The following CCDC60 variants were observed in gnomAD, a reference collection of about 807,000 sequenced individuals.
CCDC60 encodes the protein coiled-coil domain containing 60, also known as coiled-coil domain-containing protein 60.
CCDC60 carries 54 observed loss-of-function variants against 63.5 expected under a neutral mutation model. The ratio of observed to expected loss-of-function variants is 0.85; its 90% CI spans 0.68 to 1.07. The LOEUF (loss-of-function observed/expected upper bound fraction) is 1.07, where lower values mean the gene tolerates loss of function less well. CCDC60 is among the 50% of genes least tolerant of loss of function. The pLI is 0.00. For missense variants in CCDC60, 651 were observed against 684.3 expected, an observed-to-expected ratio of 0.95 and a Z score of 0.54; for synonymous variants, 206 against 238.8, an observed-to-expected ratio of 0.86 and a Z score of 1.27.
At chr12:119,470,915 C>T (rs1240114558) in intron 2 of CCDC60, among the ~76,000 whole-genome samples, 1 of 152,198 alleles carries the variant, frequency 6.6e-6, no homozygotes, top group African/African-American at 2.4e-5. Flanking sequence ...ACAGTCAGTA[C>T]AATACCCAAC....
Position 119,472,143 on chromosome 12 carries a change from A to C in CCDC60, c.320A>C (p.His107Pro). ...CCAGCCGAAAAGATCTCAGAAATCC[A>C]CTATGGGGACACCTTATTGAGGTAA... ...FQPAEKISEI[H>P]YGDTLLSTYD... The change falls in exon 3 of 14, where the codon CAC becomes CCC. Residue 107 changes from histidine to proline, a missense_variant. Physicochemically the swap from His to Pro is moderately conservative, Grantham distance 77 (BLOSUM62 -2). Transcript: ENST00000327554. 8 of 1,614,128 alleles carry C rather than the reference A, an allele frequency of 5.0e-6. No homozygotes were observed. Among genetic ancestry groups the C allele is most frequent in the Non-Finnish European group, 6.8e-6 (8 of 1,180,026 alleles).
At chr12:119,377,817 A>G (rs957598538) in intron 1 of CCDC60, among the ~76,000 whole-genome samples, 5 of 152,332 alleles carry the variant, frequency 3.3e-5, no homozygotes, top group African/African-American at 7.2e-5. Context: ...AGCATAAGGA[A>G]GTGCTTGCGG....
At chr12:119,416,380 A>C (rs1312070365) in intron 1 of CCDC60, among the ~76,000 whole-genome samples, 1 of 152,144 alleles carries the variant, frequency 6.6e-6, no homozygotes, top group African/African-American at 2.4e-5. Context: ...ACTCTGTCTC[A>C]AATAATAATG....
chr12:119,410,980 A>C lies in CCDC60; in HGVS notation c.91-17703A>C, dbSNP rs1466498701. Among the ~76,000 whole-genome samples, 2 of 152,040 alleles carry C rather than the reference A, an allele frequency of 1.3e-5. No homozygotes were observed. The highest frequency in any genetic ancestry group is 4.8e-5 in the African/African-American group (2 of 41,400). Reference sequence around the variant, plus strand: ...TAGGCTGGCCTCAAGTGATCCCCACACCTCAGCCTCCCAAAGTGCTGGGAT... The same window carrying C: ...TAGGCTGGCCTCAAGTGATCCCCACCCCTCAGCCTCCCAAAGTGCTGGGAT... On this transcript the variant is annotated intron_variant, in intron 1 of 13. Transcript: ENST00000327554. This position sits in a 1 kb window ranked among gnomAD's most constrained non-coding sequence, Gnocchi z 4.0.
chr12:119,443,027 GT>G (rs1390154564), intron 2 of CCDC60, among the ~76,000 whole-genome samples: 9 of 152,208 alleles, frequency 5.9e-5, no homozygotes, highest in African/African-American at 2.2e-4. Context: ...GTTCATGAAA[GT>G]AACTCTCCCC....
At chr12:119,464,440 T>G (rs965729086) in intron 2 of CCDC60, among the ~76,000 whole-genome samples, 4 of 150,686 alleles carry the variant, frequency 2.7e-5, no homozygotes, top group Non-Finnish European at 4.4e-5. Flanking sequence ...TCCTTTCTTC[T>G]TTTTCCAGAG....
chr12:119,479,470 A>G (rs1951252032), intron 4 of CCDC60: 1 of 421,880 alleles, frequency 2.4e-6, no homozygotes, highest in Non-Finnish European at 4.4e-6. Flanking sequence ...GCAAAGCCTG[A>G]TAAAATCTGT....
At chr12:119,522,415 G>A (rs1358483314) in intron 9 of CCDC60, among the ~76,000 whole-genome samples, 1 of 152,214 alleles carries the variant, frequency 6.6e-6, no homozygotes, top group Non-Finnish European at 1.5e-5. Flanking sequence ...ATGGGTCACA[G>A]ATGAGGAAAC....
At chr12:119,540,214 A>G (rs1953119528) in intron 13 of CCDC60, among the ~76,000 whole-genome samples, 1 of 152,214 alleles carries the variant, frequency 6.6e-6, no homozygotes, top group Non-Finnish European at 1.5e-5. Context: ...GTGTGTCTTA[A>G]ACCCTTTCCA....
At chr12:119,536,271 A>G (rs986464860) in intron 13 of CCDC60, among the ~76,000 whole-genome samples, 6 of 152,108 alleles carry the variant, frequency 3.9e-5, no homozygotes, top group Admixed American at 3.3e-4. Flanking sequence ...TGCTTGGTAC[A>G]TCTTCCTCCA....
intron 13 of CCDC60, among the ~76,000 whole-genome samples, chr12:119,537,650 T>C (rs1020204182): frequency 1.3e-5 from 2 of 152,238 alleles, no homozygotes; most frequent in Non-Finnish European, 2.9e-5. Flanking sequence ...TTTGTTAGTT[T>C]TCCGTCTCAC....
At chr12:119,354,053 GCT>G (rs1290444284) in intron 1 of CCDC60, among the ~76,000 whole-genome samples, 3 of 118,290 alleles carry the variant, frequency 2.5e-5, no homozygotes, top group South Asian at 6.6e-4. Flanking sequence ...CTCCCTGCTT[GCT>G]CTCTCTCTTT....
Position 119,505,854 on chromosome 12 carries a change from C to CA in CCDC60, c.883+559dup, listed in dbSNP as rs556823184. 5.9e-4 allele frequency among the ~76,000 whole-genome samples: 90 copies of CA among 151,772 alleles called. No homozygotes were observed. In the South Asian group the frequency reaches 0.014, roughly 24 times the overall value. On this transcript the variant is annotated intron_variant, in intron 7 of 13. Transcript: ENST00000327554. Reference sequence around the variant, plus strand: ...TGGGCCACAGAGGAAGACTCCATCTCAAAAAAAAGCATTTTTTTAAATTTA... The same window carrying CA: ...TGGGCCACAGAGGAAGACTCCATCTCAAAAAAAAAGCATTTTTTTAAATTTA...
chr12:119,454,345 A>G (rs1950687381), intron 2 of CCDC60, among the ~76,000 whole-genome samples: 1 of 152,186 alleles, frequency 6.6e-6, no homozygotes, highest in African/African-American at 2.4e-5. Flanking sequence ...TAATGCATAT[A>G]AAGTGCTTAG....
intron 6 of CCDC60, among the ~76,000 whole-genome samples, chr12:119,504,553 G>C (rs1342131828): frequency 6.6e-6 from 1 of 152,042 alleles, no homozygotes; most frequent in African/African-American, 2.4e-5. Context: ...TCCCTATTCT[G>C]TGTTCTTTAG....
intron 2 of CCDC60, among the ~76,000 whole-genome samples, chr12:119,443,232 T>C (rs1950480189): frequency 6.6e-6 from 1 of 152,250 alleles, no homozygotes. Context: ...TTGAGCTAAT[T>C]GCCAATGTCT....
At chr12:119,512,044 CA>C (rs1360721706) in intron 7 of CCDC60, among the ~76,000 whole-genome samples, 1 of 152,214 alleles carries the variant, frequency 6.6e-6, no homozygotes, top group East Asian at 1.9e-4. Flanking sequence ...TGACATTTAT[CA>C]CAGCCTAGAT....
chr12:119,510,046 A>C (rs913477560), intron 7 of CCDC60, among the ~76,000 whole-genome samples: 4 of 152,154 alleles, frequency 2.6e-5, no homozygotes, highest in African/African-American at 9.7e-5. Context: ...CTGGTCTAGA[A>C]TCTCTTCACT....
intron 5 of CCDC60, among the ~76,000 whole-genome samples, chr12:119,492,051 G>A (rs964224466): frequency 5.6e-4 from 85 of 152,178 alleles, no homozygotes; most frequent in East Asian, 1.9e-4. Flanking sequence ...TCAGCGCTCC[G>A]AGGATGCCCA....
Sources: allele counts gnomAD v4.1 joint callset (sites outside exome capture counted in the v4.1 genomes callset), GRCh38; gene constraint gnomAD v4.1.1; non-coding constraint Gnocchi (gnomAD v3.1); transcripts MANE v1.5; gene names NCBI Gene and HGNC (gene_info 2026-07-23, HGNC 2026-07-21).